The following MARCHF1 variants were observed in gnomAD, a reference collection of about 807,000 sequenced individuals.
MARCHF1 encodes membrane associated ring-CH-type finger 1.
MARCHF1 carries 40 observed loss-of-function variants against 54.2 expected under a neutral mutation model. The observed-to-expected ratio is 0.74, with a 90% CI of 0.57 to 0.96. MARCHF1 has a LOEUF of 0.96. MARCHF1 is among the 40% of genes least tolerant of loss of function. The pLI is 0.00. For synonymous variants in MARCHF1, 236 were observed against 236.3 expected (o/e 1.00, Z 0.01); for missense variants, 586 against 656.5 (o/e 0.89, Z 1.17).
rs1461272504 is a variant in MARCHF1, at chr4:163,558,113, GTGTC to G, written c.1192-12374_1192-12371del. On this transcript the variant is annotated intron_variant, in intron 8 of 9. Transcript: ENST00000514618. ...TGTCTGAAGAAACTGAGATGACTGAGTGTCTGAGCATGAGGTGGAAGGGCACAGG... is the reference window on the plus strand; with the variant it reads ...TGTCTGAAGAAACTGAGATGACTGAGTGAGCATGAGGTGGAAGGGCACAGG... Among the ~76,000 whole-genome samples, 7 of 152,280 alleles carry G rather than the reference GTGTC, an allele frequency of 4.6e-5. No individual in the cohort carries two copies. In the East Asian group the frequency reaches 5.8e-4, roughly 13 times the overall value.
At position 164,007,602 on chromosome 4, in the gene MARCHF1, G is replaced by A. The variant is rs1047953807; in HGVS notation, c.-247-18893C>T. ...AGACAAGCAAAAGTCAAAATGTGGA[G>A]GATATAAAGTTAACATGTAGAATTT... is the stretch of plus-strand genomic sequence containing the variant. On this transcript the variant is annotated intron_variant, in intron 2 of 9. Coordinates refer to ENST00000514618, the MANE Select transcript of MARCHF1 (RefSeq NM_001394959.1). Among the ~76,000 whole-genome samples the A allele has an allele frequency of 2.0e-5, 3 of 150,490 alleles. No individual in the cohort carries two copies. In the Admixed American group the frequency reaches 2.0e-4, roughly 10 times the overall value.
chr4:164,248,597 T>C (rs1349570755), intron 1 of MARCHF1, among the ~76,000 whole-genome samples: 1 of 152,078 alleles, frequency 6.6e-6, no homozygotes, highest in African/African-American at 2.4e-5. Flanking sequence ...AGAATTCTTT[T>C]GTATGTTCAC....
chr4:163,926,591 C>T (rs4507319), intron 3 of MARCHF1, among the ~76,000 whole-genome samples: 5,639 of 151,534 alleles, frequency 0.037, 276 homozygotes, highest in East Asian at 0.19. Context: ...TTTACATTCC[C>T]AACATACCAT....
chr4:164,026,924 G>A (rs1225828066), intron 2 of MARCHF1, among the ~76,000 whole-genome samples: 4 of 152,022 alleles, frequency 2.6e-5, no homozygotes, highest in African/African-American at 9.7e-5. Context: ...AAAATCAGTA[G>A]CATTTCTGTA....
At chr4:164,122,566 T>C (rs1186540123) in intron 1 of MARCHF1, among the ~76,000 whole-genome samples, 2 of 152,010 alleles carry the variant, frequency 1.3e-5, no homozygotes, top group Non-Finnish European at 2.9e-5. Flanking sequence ...CTATGAGCCC[T>C]ATATAAATCA....
chr4:163,622,834 C>T (rs1038041013), intron 5 of MARCHF1, among the ~76,000 whole-genome samples: 6 of 152,064 alleles, frequency 3.9e-5, no homozygotes, highest in Admixed American at 3.3e-4. Context: ...TGACAATTCA[C>T]AACATTAGGG....
chr4:164,314,454 G>C (rs763631676), intron 1 of MARCHF1, among the ~76,000 whole-genome samples: 7 of 152,138 alleles, frequency 4.6e-5, no homozygotes, highest in Non-Finnish European at 7.3e-5. Flanking sequence ...CTGTACATAA[G>C]TCATTGACTC....
intron 1 of MARCHF1, among the ~76,000 whole-genome samples, chr4:164,309,017 T>C (rs1461787010): frequency 6.6e-6 from 1 of 150,644 alleles, no homozygotes; most frequent in East Asian, 1.9e-4. Flanking sequence ...TTACATAAAA[T>C]TTTGCATCGG....
At chr4:164,141,880 C>A (rs184018111) in intron 1 of MARCHF1, among the ~76,000 whole-genome samples, 3 of 152,110 alleles carry the variant, frequency 2.0e-5, no homozygotes, top group Admixed American at 6.5e-5. Flanking sequence ...CGCAGAAGAC[C>A]GGTGATTTCT....
intron 4 of MARCHF1, among the ~76,000 whole-genome samples, chr4:163,831,607 A>T (rs937098285): frequency 1.3e-5 from 2 of 152,144 alleles, no homozygotes; most frequent in African/African-American, 4.8e-5. Context: ...ATTAAATTTT[A>T]AAAAATAAAA....
intron 4 of MARCHF1, among the ~76,000 whole-genome samples, chr4:163,820,880 A>C (rs1271614887): frequency 6.6e-6 from 1 of 152,066 alleles, no homozygotes; most frequent in Admixed American, 6.6e-5. Context: ...TTCTACCCAC[A>C]TCTGATCTTG....
intron 2 of MARCHF1, among the ~76,000 whole-genome samples, chr4:164,050,873 C>A (rs192735481): frequency 6.6e-6 from 1 of 152,122 alleles, no homozygotes; most frequent in Non-Finnish European, 1.5e-5. Flanking sequence ...GCGGAGGTTG[C>A]GGTGAGCCGA....
chr4:163,933,934 T>C (rs1751736129), intron 3 of MARCHF1, among the ~76,000 whole-genome samples: 1 of 152,250 alleles, frequency 6.6e-6, no homozygotes, highest in East Asian at 1.9e-4. Flanking sequence ...GCCTTTGTAG[T>C]TCTGGTATTC....
intron 5 of MARCHF1, among the ~76,000 whole-genome samples, chr4:163,618,218 C>T (rs59753006): frequency 0.016 from 2,510 of 152,284 alleles, 56 homozygotes; most frequent in African/African-American, 0.055. Flanking sequence ...CGGCCCTCTT[C>T]TGAGTTCACC....
chr4:164,010,677 AATG>A (rs1032331084), intron 2 of MARCHF1, among the ~76,000 whole-genome samples: 11 of 152,150 alleles, frequency 7.2e-5, no homozygotes, highest in African/African-American at 2.7e-4. Context: ...ATATTTTTAA[AATG>A]ATAATACTAC....
chr4:163,594,120 G>A (rs78972281), intron 7 of MARCHF1, among the ~76,000 whole-genome samples: 1,894 of 152,152 alleles, frequency 0.012, 39 homozygotes, highest in African/African-American at 0.043. Flanking sequence ...ATTGGGGACC[G>A]GGGGAGGGTA....
intron 1 of MARCHF1, among the ~76,000 whole-genome samples, chr4:164,321,494 A>C (rs1235067485): frequency 2.0e-5 from 3 of 152,036 alleles, no homozygotes; most frequent in Admixed American, 6.6e-5. Context: ...ATAAAAAAAA[A>C]AACTATTCCA....
rs1158466490 is a variant in MARCHF1 at position 163,733,247 on chromosome 4, G to GTA, written c.112-32386_112-32385dup. On this transcript the variant is annotated intron_variant, in intron 4 of 9. Transcript: ENST00000514618. ...CACGTGTATATATATATATACACGT[G>GTA]TATATATATATACACACACACACAC... Among the ~76,000 whole-genome samples, 7 of 17,312 alleles carry GTA rather than the reference G, an allele frequency of 4.0e-4. 1 individual carries two copies. The highest frequency in any genetic ancestry group is 9.3e-4 in the African/African-American group (5 of 5,360). 11.4% of individuals were successfully genotyped at this position (17,312 alleles called of 152,430 possible).
chr4:163,829,303 G>A (rs1466869185), intron 4 of MARCHF1, among the ~76,000 whole-genome samples: 2 of 152,184 alleles, frequency 1.3e-5, no homozygotes, highest in African/African-American at 4.8e-5. Flanking sequence ...CGGATGGTAA[G>A]AACTTTTCCA....
Sources: gnomAD v4.1 joint callset for allele counts (sites outside exome capture counted in the v4.1 genomes callset) on GRCh38, gnomAD v4.1.1 for gene constraint, MANE v1.5 for transcripts, NCBI Gene and HGNC (gene_info 2026-07-23, HGNC 2026-07-21) for gene names.